LRP1B: variants seen among roughly 807,000 people sequenced by gnomAD.
The protein encoded by LRP1B is low-density lipoprotein receptor-related protein 1B.
LRP1B carries 217 observed loss-of-function variants against 556.6 expected under a neutral mutation model. That is an observed-to-expected ratio of 0.39 (90% CI 0.35 to 0.44). The LOEUF (loss-of-function observed/expected upper bound fraction) is 0.44, where lower values mean the gene tolerates loss of function less well. LRP1B is among the 20% of genes least tolerant of loss of function. LRP1B has a pLI of 1.00. For missense variants in LRP1B, 5,053 were observed against 5,620.8 expected, an observed-to-expected ratio of 0.90 and a Z score of 3.23; for synonymous variants, 2,047 against 1,865.8, an observed-to-expected ratio of 1.10 and a Z score of -2.50.
intron 1 of LRP1B, among the ~76,000 whole-genome samples, chr2:141,960,109 A>G (rs1411426048): frequency 6.6e-6 from 1 of 151,916 alleles, no homozygotes; most frequent in East Asian, 1.9e-4. Flanking sequence ...AGGGCTTCAT[A>G]AGAGAGAGAA....
At chr2:140,470,646 A>AC in intron 60 of LRP1B, among the ~76,000 whole-genome samples, 1 of 58,124 alleles carries the variant, frequency 1.7e-5, no homozygotes, top group Non-Finnish European at 4.0e-5. Context: ...CTCTGTCTCA[A>AC]AAAAAAAAAA....
At chr2:141,826,401 C>T (rs1574404048) in intron 1 of LRP1B, among the ~76,000 whole-genome samples, 1 of 147,440 alleles carries the variant, frequency 6.8e-6, no homozygotes, top group African/African-American at 2.5e-5. Flanking sequence ...GCTCTGTCCC[C>T]CAGGCTGGAG....
intron 7 of LRP1B, among the ~76,000 whole-genome samples, chr2:141,064,661 G>A (rs567768554): frequency 6.6e-6 from 1 of 152,012 alleles, no homozygotes; most frequent in South Asian, 2.1e-4. Flanking sequence ...CAGCTATTGA[G>A]TGCCTATAGT....
chr2:141,795,900 A>ATATATATT (rs1553465421), intron 2 of LRP1B, among the ~76,000 whole-genome samples: 1 of 78,984 alleles, frequency 1.3e-5, no homozygotes, highest in Non-Finnish European at 2.7e-5. Flanking sequence ...ATATATATAT[A>ATATATATT]ATCTTTAAGC....
intron 1 of LRP1B, among the ~76,000 whole-genome samples, chr2:141,903,006 T>C: frequency 6.6e-6 from 1 of 151,930 alleles, no homozygotes. Flanking sequence ...GGCTGTGCCT[T>C]TCCTTCTTGC....
chr2:141,484,896 A>G (rs1683064723), intron 2 of LRP1B, among the ~76,000 whole-genome samples: 1 of 152,154 alleles, frequency 6.6e-6, no homozygotes, highest in Admixed American at 6.6e-5. Flanking sequence ...ATATACAATC[A>G]TGCAAGATTT....
intron 2 of LRP1B, among the ~76,000 whole-genome samples, chr2:141,618,777 A>T (rs1390230381): frequency 1.3e-5 from 2 of 152,278 alleles, no homozygotes; most frequent in East Asian, 1.9e-4. Context: ...ATGGACCTAG[A>T]TGGCTAAATG....
At chr2:142,084,325 A>G (rs1263745194) in intron 1 of LRP1B, among the ~76,000 whole-genome samples, 2 of 151,846 alleles carry the variant, frequency 1.3e-5, no homozygotes, top group East Asian at 1.9e-4. Flanking sequence ...TTTCCCCTCT[A>G]TCCTCTCTGA....
At chr2:141,270,225 A>T (rs1685038746) in intron 3 of LRP1B, among the ~76,000 whole-genome samples, 2 of 152,166 alleles carry the variant, frequency 1.3e-5, no homozygotes, top group African/African-American at 4.8e-5. Context: ...AACCACAATG[A>T]AATATCACTT....
At chr2:140,236,514 C>G (rs1680707448) in intron 89 of LRP1B, among the ~76,000 whole-genome samples, 1 of 150,874 alleles carries the variant, frequency 6.6e-6, no homozygotes, top group South Asian at 2.1e-4. Flanking sequence ...TAAATCTTCA[C>G]AACTTTAACT....
chr2:141,762,550 A>C (rs2105597232), intron 2 of LRP1B, among the ~76,000 whole-genome samples: 1 of 152,164 alleles, frequency 6.6e-6, no homozygotes, highest in South Asian at 2.1e-4. Flanking sequence ...ATATATAGAA[A>C]TTGTATATTT....
intron 1 of LRP1B, among the ~76,000 whole-genome samples, chr2:141,875,567 T>C (rs1483278943): frequency 6.6e-6 from 1 of 152,014 alleles, no homozygotes; most frequent in Non-Finnish European, 1.5e-5. Flanking sequence ...AGCAATATTT[T>C]CATTACATTA....
chr2:141,025,784 T>G (rs1421783465), intron 11 of LRP1B, among the ~76,000 whole-genome samples: 1 of 152,100 alleles, frequency 6.6e-6, no homozygotes. Context: ...TAGAGAATCC[T>G]AACTAGTACA....
chr2:141,007,542 G>A (rs1009637529), intron 14 of LRP1B, among the ~76,000 whole-genome samples: 14 of 151,256 alleles, frequency 9.3e-5, no homozygotes, highest in East Asian at 2.0e-4. Flanking sequence ...TCCAGATAAC[G>A]TCATGTTTAT....
At chr2:141,631,590 C>T (rs1233861274) in intron 2 of LRP1B, among the ~76,000 whole-genome samples, 2 of 149,584 alleles carry the variant, frequency 1.3e-5, no homozygotes, top group Admixed American at 1.3e-4. Flanking sequence ...TCAGAAGGGG[C>T]CTGGTTTACC....
Position 140,939,750 on chromosome 2 carries a change from C to T in LRP1B, c.3136+10485G>A, listed in dbSNP as rs569173089. ...TGACAATAAACCAGGGTCAGATGTC[C>T]CCTCAACATGAAAATCCAAACATTT... is the stretch of plus-strand genomic sequence containing the variant. On this transcript the variant is annotated intron_variant, in intron 20 of 90. Coordinates refer to ENST00000389484, the MANE Select transcript of LRP1B (RefSeq NM_018557.3). 5.9e-5 allele frequency among the ~76,000 whole-genome samples: 9 copies of T among 151,606 alleles called. No homozygotes were observed. The East Asian group carries it at 1.7e-3, about 29-fold the overall frequency.
intron 6 of LRP1B, among the ~76,000 whole-genome samples, chr2:141,214,309 T>C (rs1198934652): frequency 6.6e-6 from 1 of 152,168 alleles, no homozygotes; most frequent in Non-Finnish European, 1.5e-5. Flanking sequence ...AAATCACACA[T>C]TTCTAGGTTT....
chr2:140,659,528 A>T (rs1294328093), intron 41 of LRP1B, among the ~76,000 whole-genome samples: 4 of 152,024 alleles, frequency 2.6e-5, no homozygotes, highest in African/African-American at 9.7e-5. Context: ...TACTCAGGAA[A>T]TGCTGTAAAA....
chr2:140,842,371 GC>G (rs1485780121), intron 29 of LRP1B, among the ~76,000 whole-genome samples: 4 of 152,116 alleles, frequency 2.6e-5, no homozygotes, highest in African/African-American at 9.7e-5. Flanking sequence ...TCTCAAGGGA[GC>G]CTACCTTGCT....
Sources: allele counts gnomAD v4.1 joint callset (sites outside exome capture counted in the v4.1 genomes callset), GRCh38; gene constraint gnomAD v4.1.1; transcripts MANE v1.5; gene names NCBI Gene and HGNC (gene_info 2026-07-23, HGNC 2026-07-21).